The following TMEM87A variants were observed in gnomAD, a reference collection of about 807,000 sequenced individuals.
TMEM87A encodes Golgi-pH regulating cation channel.
In TMEM87A, 50 loss-of-function variants were observed where a neutral mutation model predicts 90.0. The observed-to-expected ratio is 0.56, with a 90% confidence interval of 0.44 to 0.70. The LOEUF (loss-of-function observed/expected upper bound fraction) is 0.70. Among genes scored for constraint, TMEM87A ranks in the 30% least tolerant of loss-of-function variants. TMEM87A has a pLI of 0.00. For synonymous variants in TMEM87A, 226 were observed against 226.7 expected, an observed-to-expected ratio of 1.00 and a Z score of 0.03; for missense variants, 577 against 660.5, an observed-to-expected ratio of 0.87 and a Z score of 1.39.
At chr15:42,252,297 T>C (rs1224740165) in intron 6 of TMEM87A, among the ~76,000 whole-genome samples, 2 of 152,164 alleles carry the variant, frequency 1.3e-5, no homozygotes, top group African/African-American at 2.4e-5. Flanking sequence ...GGTACCTCAG[T>C]TGGAAATGCA....
chr15:42,235,945 T>C (rs1186930868), intron 10 of TMEM87A, among the ~76,000 whole-genome samples: 1 of 152,152 alleles, frequency 6.6e-6, no homozygotes, highest in Non-Finnish European at 1.5e-5. Context: ...AAAATAAAAT[T>C]TTTTGGATAG....
In TMEM87A at chr15:42,236,349, G is replaced by C. The variant is rs202241031; in HGVS notation, c.939C>G (p.Ile313Met). ...VKRSLARTLVIIVSLGYGIVK... is the reference protein window; with the variant it reads ...VKRSLARTLVMIVSLGYGIVK... ...CGATGCCATATCCCAGACTGACTAT[G>C]ATGACCAGGGTTCGAGCCAGTGAGC... Residue 313 changes from isoleucine to methionine, a missense_variant, in exon 10 of 20, where the codon ATC (isoleucine) becomes ATG (methionine). By Grantham distance (10) the Ile-to-Met change is conservative. Coordinates refer to ENST00000389834, the MANE Select transcript of TMEM87A (RefSeq NM_015497.5). 7.7e-5 allele frequency: 124 copies of C among 1,613,986 alleles called. No homozygotes were observed. The highest frequency in any genetic ancestry group is 1.0e-4 in the Non-Finnish European group (119 of 1,179,974).
chr15:42,262,525 G>C (rs905969635), intron 4 of TMEM87A, among the ~76,000 whole-genome samples: 2 of 149,790 alleles, frequency 1.3e-5, no homozygotes, highest in African/African-American at 4.9e-5. Flanking sequence ...CTGGGTTCAA[G>C]TGATTCTCCC....
At chr15:42,237,304 G>A in intron 9 of TMEM87A, 128 bp downstream of exon 9, 1 of 887,538 alleles carries the variant, frequency 1.1e-6, no homozygotes, top group Non-Finnish European at 1.7e-6. Context: ...TAGTGATTCT[G>A]CTTAAGATAT....
chr15:42,253,496 G>A (rs2051122407), intron 6 of TMEM87A, among the ~76,000 whole-genome samples: 1 of 152,150 alleles, frequency 6.6e-6, no homozygotes, highest in African/African-American at 2.4e-5. Flanking sequence ...AACACTCTAA[G>A]TTGGGGAAAA....
At chr15:42,244,305 G>A (rs1423647159) in intron 6 of TMEM87A, 138 bp from the exon 7 acceptor site, 8 of 583,594 alleles carry the variant, frequency 1.4e-5, no homozygotes, top group Non-Finnish European at 2.4e-5. Context: ...TGAAACATTA[G>A]GCACAACAAA....
At chr15:42,271,307 G>A (rs2051519026) in intron 2 of TMEM87A, among the ~76,000 whole-genome samples, 1 of 152,160 alleles carries the variant, frequency 6.6e-6, no homozygotes, top group Non-Finnish European at 1.5e-5. Flanking sequence ...TTCCTTCACA[G>A]CCAACGGCCT....
chr15:42,214,315 AG>A (rs1225014088), intron 19 of TMEM87A, among the ~76,000 whole-genome samples: 1 of 152,218 alleles, frequency 6.6e-6, no homozygotes, highest in Non-Finnish European at 1.5e-5. Flanking sequence ...TTTATTTGGA[AG>A]GAACTTCCAA....
intron 5 of TMEM87A, 45 bp from the exon 6 acceptor site, chr15:42,261,047 GT>G (rs2051280363): frequency 1.9e-6 from 3 of 1,571,466 alleles, no homozygotes; most frequent in Admixed American, 1.8e-5. Flanking sequence ...AGAACTTCTT[GT>G]TTTTAGCTGC....
At chr15:42,251,970 A>C (rs2051095146) in intron 6 of TMEM87A, among the ~76,000 whole-genome samples, 1 of 152,190 alleles carries the variant, frequency 6.6e-6, no homozygotes. Flanking sequence ...CCCCTTCCCC[A>C]GCCTGGCTGC....
chr15:42,255,017 T>A (rs1261638732), intron 6 of TMEM87A, among the ~76,000 whole-genome samples: 1 of 148,448 alleles, frequency 6.7e-6, no homozygotes, highest in Non-Finnish European at 1.5e-5. Flanking sequence ...TAGACTGGAG[T>A]ACAGTGGCAT....
chr15:42,229,672 T>C (rs2050654404), intron 12 of TMEM87A, among the ~76,000 whole-genome samples: 1 of 152,136 alleles, frequency 6.6e-6, no homozygotes, highest in Admixed American at 6.5e-5. Context: ...CTATCCTGAA[T>C]TAAGAGGACC....
At chr15:42,251,037 C>T (rs2051075221) in intron 6 of TMEM87A, among the ~76,000 whole-genome samples, 1 of 152,160 alleles carries the variant, frequency 6.6e-6, no homozygotes, top group South Asian at 2.1e-4. Flanking sequence ...GAATCAGCTA[C>T]TGAAGCTTGT....
At chr15:42,237,683 A>C in intron 8 of TMEM87A, 68 bp from the exon 9 acceptor site, 1 of 1,290,952 alleles carries the variant, frequency 7.7e-7, no homozygotes, top group East Asian at 2.8e-5. Context: ...TAGATTTAGA[A>C]TCAATATATA....
chr15:42,239,645 G>C (rs949214062), intron 8 of TMEM87A, 25 bp downstream of exon 8: 4 of 1,595,278 alleles, frequency 2.5e-6, no homozygotes, highest in Non-Finnish European at 3.4e-6. Context: ...CCAATACTGA[G>C]GTTAAATAAT....
At chr15:42,266,958 T>C (rs949551358) in intron 3 of TMEM87A, among the ~76,000 whole-genome samples, 1 of 152,206 alleles carries the variant, frequency 6.6e-6, no homozygotes, top group South Asian at 2.1e-4. Flanking sequence ...TTGAGAGTTA[T>C]TTCTCTGGAA....
rs192265230 is a variant in TMEM87A at position 42,242,912 on chromosome 15, C to A, written c.622+1138G>T. Among the ~76,000 whole-genome samples, 367 of 152,138 alleles carry A rather than the reference C, an allele frequency of 2.4e-3. 3 individuals carry two copies. The highest frequency in any genetic ancestry group is 7.5e-3 in the African/African-American group (312 of 41,492). On this transcript the variant is annotated intron_variant, in intron 7 of 19. Coordinates refer to ENST00000389834, the MANE Select transcript of TMEM87A (RefSeq NM_015497.5). ...AATATACCAATACAGCCAGTAAAGTCAGGAGCGAAGTAACGGTGGCTGCCA... is the reference window on the plus strand; with the variant it reads ...AATATACCAATACAGCCAGTAAAGTAAGGAGCGAAGTAACGGTGGCTGCCA...
intron 3 of TMEM87A, among the ~76,000 whole-genome samples, chr15:42,264,699 A>ATATATATATT (rs10681614): frequency 1.0e-4 from 11 of 109,428 alleles, no homozygotes; most frequent in African/African-American, 3.1e-4. Flanking sequence ...ATATATATAT[A>ATATATATATT]TTTTTTTTTT....
chr15:42,232,904 G>C (rs1328209797), intron 11 of TMEM87A: 1 of 184,224 alleles, frequency 5.4e-6, no homozygotes, highest in Non-Finnish European at 1.1e-5. Context: ...ATTTCAGTCT[G>C]GATTTCAGTC....
Sources: allele counts gnomAD v4.1 joint callset (sites outside exome capture counted in the v4.1 genomes callset), GRCh38; gene constraint gnomAD v4.1.1; transcripts MANE v1.5; gene names NCBI Gene and HGNC (gene_info 2026-07-23, HGNC 2026-07-21).